SLIT3: variants seen among roughly 807,000 people sequenced by gnomAD.
SLIT3 encodes the protein slit guidance ligand 3.
Under a neutral mutation model 184.0 loss-of-function variants are expected in SLIT3, and 68 were observed. That is an observed-to-expected ratio of 0.37 (90% CI 0.30 to 0.45). The LOEUF (loss-of-function observed/expected upper bound fraction) is 0.45. Ranked by LOEUF, SLIT3 falls within the 20% of genes least tolerant of loss-of-function variation. The probability of loss-of-function intolerance (pLI) is 1.00; values close to 1 mark genes in which losing one functional copy is unlikely to be tolerated. For missense variants in SLIT3, 1,707 were observed against 2,026.0 expected (o/e 0.84, Z 3.02); for synonymous variants, 831 against 828.6 (o/e 1.00, Z -0.05).
rs1276597859 is a variant in SLIT3, at chr5:168,735,665, C to CACAT, written c.2271-11182_2271-11181insATGT. 3.2e-3 allele frequency among the ~76,000 whole-genome samples: 221 copies of CACAT among 70,044 alleles called. 2 individuals carry two copies. Among genetic ancestry groups the CACAT allele is most frequent in the African/African-American group, 0.016 (211 of 13,038 alleles). 46.0% of individuals were successfully genotyped at this position (70,044 alleles called of 152,430 possible). A position where few individuals can be genotyped will look rare whatever the true frequency, so the allele number is the denominator to read the frequency against. On this transcript the variant is annotated intron_variant, in intron 20 of 35. Coordinates refer to ENST00000519560, the MANE Select transcript of SLIT3 (RefSeq NM_003062.4). ...ACATACATATAGACAGATAGATACA[C>CACAT]ACACACACACACACACACACACACA... is the stretch of plus-strand genomic sequence containing the variant.
Position 169,169,040 on chromosome 5 carries a change from G to T in SLIT3, c.413+24439C>A, listed in dbSNP as rs78207355. On this transcript the variant is annotated intron_variant, in intron 4 of 35. Coordinates refer to ENST00000519560, the MANE Select transcript of SLIT3 (RefSeq NM_003062.4). ...CCAGAGCAGGGTCAGCCCAGAGTGG[G>T]GGGGGGATCACCTTTTTCTAACTCG... Among the ~76,000 whole-genome samples the T allele has an allele frequency of 3.5e-3, 438 of 124,954 alleles. 2 individuals are homozygous for T. The highest frequency in any genetic ancestry group is 0.011 in the African/African-American group (408 of 38,262). 82.0% of individuals were successfully genotyped at this position (124,954 alleles called of 152,430 possible).
chr5:168,764,016 G>C (rs898950800), intron 14 of SLIT3, among the ~76,000 whole-genome samples: 1 of 152,348 alleles, frequency 6.6e-6, no homozygotes, highest in African/African-American at 2.4e-5. Flanking sequence ...AGGGAGCACA[G>C]GCTCGTTCAG....
At chr5:169,081,666 C>G (rs1391892660) in intron 4 of SLIT3, among the ~76,000 whole-genome samples, 1 of 152,168 alleles carries the variant, frequency 6.6e-6, no homozygotes, top group Non-Finnish European at 1.5e-5. Flanking sequence ...GCACATGGTC[C>G]TCTTAAGCAG....
Position 169,123,912 on chromosome 5 carries a change from AAGTT to A in SLIT3, c.413+69563_413+69566del, listed in dbSNP as rs537659833. 1.6e-4 allele frequency among the ~76,000 whole-genome samples: 24 copies of A among 152,276 alleles called. No individual in the cohort carries two copies. In the South Asian group the frequency reaches 5.0e-3, roughly 32 times the overall value. On this transcript the variant is annotated intron_variant, in intron 4 of 35. Coordinates refer to ENST00000519560, the MANE Select transcript of SLIT3 (RefSeq NM_003062.4). ...TGCTTAATATGGCAGTGTTATGAGAAAGTTAGCCAAAGTTTTAGCTGAAATACAC... is the reference window on the plus strand; with the variant it reads ...TGCTTAATATGGCAGTGTTATGAGAAAGCCAAAGTTTTAGCTGAAATACAC...
chr5:168,763,079 A>T (rs1330090337), intron 14 of SLIT3, among the ~76,000 whole-genome samples: 1 of 152,052 alleles, frequency 6.6e-6, no homozygotes, highest in Non-Finnish European at 1.5e-5. Context: ...CACAACTCCT[A>T]TCATTCATGG....
chr5:169,077,613 G>T (rs1758797192), intron 4 of SLIT3, among the ~76,000 whole-genome samples: 1 of 152,156 alleles, frequency 6.6e-6, no homozygotes, highest in African/African-American at 2.4e-5. Context: ...TATGTTATCA[G>T]TAAGGCTTCT....
In SLIT3 at chr5:168,666,647, C is replaced by T. The variant is rs138032051; in HGVS notation, c.4379G>A (p.Arg1460His). 708 of 1,614,168 alleles carry T rather than the reference C, an allele frequency of 4.4e-4. 5 individuals carry two copies. In the Admixed American group the frequency reaches 7.6e-3, roughly 17 times the overall value. The stretch of plus-strand genomic sequence containing the variant: ...GGCACATGATGCATAACCTTTCTGG[C>T]GGCGGATCACCTCTCGGACTACTTG... ...LGQVVREVIR[R>H]QKGYASCATA... The change falls in exon 36 of 36, where the codon CGC becomes CAC. Residue 1460 changes from arginine to histidine, a missense_variant. Coordinates refer to ENST00000519560, the MANE Select transcript of SLIT3 (RefSeq NM_003062.4).
intron 3 of SLIT3, among the ~76,000 whole-genome samples, chr5:169,226,515 T>A (rs528569576): frequency 6.6e-6 from 1 of 152,070 alleles, no homozygotes; most frequent in Non-Finnish European, 1.5e-5. Context: ...TAAAAACAAA[T>A]TGGGTGCCTT....
chr5:169,113,417 GAAT>G (rs1381476670), intron 4 of SLIT3, among the ~76,000 whole-genome samples: 4 of 152,150 alleles, frequency 2.6e-5, no homozygotes, highest in African/African-American at 9.7e-5. Flanking sequence ...TTCTATGACT[GAAT>G]AATATCTCAT....
At chr5:169,171,892 C>A (rs1233189162) in intron 4 of SLIT3, among the ~76,000 whole-genome samples, 1 of 152,068 alleles carries the variant, frequency 6.6e-6, no homozygotes, top group African/African-American at 2.4e-5. Flanking sequence ...TTCTCTGCCC[C>A]CTTGGGGCTA....
At chr5:168,918,216 T>A (rs989587188) in intron 4 of SLIT3, among the ~76,000 whole-genome samples, 1 of 152,202 alleles carries the variant, frequency 6.6e-6, no homozygotes, top group Admixed American at 6.5e-5. Context: ...GATTTTCAGA[T>A]GAAATCAGGT....
chr5:169,032,649 G>T (rs1297387987), intron 4 of SLIT3, among the ~76,000 whole-genome samples: 1 of 147,800 alleles, frequency 6.8e-6, no homozygotes, highest in Admixed American at 6.8e-5. Context: ...TCATGGAGTC[G>T]ATCTGCTAGT....
At chr5:169,131,289 G>A (rs933348754) in intron 4 of SLIT3, among the ~76,000 whole-genome samples, 3 of 152,146 alleles carry the variant, frequency 2.0e-5, no homozygotes, top group East Asian at 3.8e-4. Context: ...GTGGTTCTCC[G>A]AGCGCAGTAC....
chr5:169,088,432 A>C (rs1759408761), intron 4 of SLIT3, among the ~76,000 whole-genome samples: 1 of 151,108 alleles, frequency 6.6e-6, no homozygotes, highest in Non-Finnish European at 1.5e-5. Context: ...CAACAGCGAC[A>C]ATAACAATGA....
intron 1 of SLIT3, among the ~76,000 whole-genome samples, chr5:169,276,855 T>C (rs1766823875): frequency 6.6e-6 from 1 of 152,264 alleles, no homozygotes; most frequent in Non-Finnish European, 1.5e-5. Flanking sequence ...TCCTCCTTTA[T>C]AAAGCAGGCT....
At chr5:168,781,988 C>T (rs1755989128) in intron 12 of SLIT3, among the ~76,000 whole-genome samples, 1 of 152,164 alleles carries the variant, frequency 6.6e-6, no homozygotes, top group African/African-American at 2.4e-5. Flanking sequence ...AATTGCTTAG[C>T]AGTTTCGGGT....
At chr5:168,667,050 A>C (rs895356014) in intron 35 of SLIT3, among the ~76,000 whole-genome samples, 2 of 152,190 alleles carry the variant, frequency 1.3e-5, no homozygotes, top group African/African-American at 4.8e-5. Flanking sequence ...ATGTGCCTAA[A>C]AATTAATTAA....
intron 5 of SLIT3, among the ~76,000 whole-genome samples, chr5:168,851,109 G>T (rs1294252584): frequency 6.6e-6 from 1 of 152,082 alleles, no homozygotes; most frequent in Non-Finnish European, 1.5e-5. Context: ...GGATCATGAG[G>T]TCAGAAGATC....
Position 168,753,917 on chromosome 5 carries a change from C to G in SLIT3, c.1776G>C (p.Gln592His), listed in dbSNP as rs1754805316. 6.2e-7 allele frequency: 1 copy of G among 1,612,170 alleles called. No individual in the cohort carries two copies. The highest frequency in any genetic ancestry group is 1.3e-5 in the African/African-American group (1 of 74,944). The change falls in exon 17 of 36, where the codon CAG becomes CAC. Residue 592 changes from glutamine to histidine, a missense_variant. This residue lies in a region of SLIT3 where 1,307 missense variants were observed against 1,511.6 expected (regional missense o/e 0.86). Coordinates refer to ENST00000519560, the MANE Select transcript of SLIT3 (RefSeq NM_003062.4). ...SVQELMLTGN[Q>H]LETVHGRVFR... Reference sequence around the variant, plus strand: ...ACACGCGCCCGTGCACGGTCTCCAGCTGGTTCCCTGTCAGCATCAGCTCCT... The same window carrying G: ...ACACGCGCCCGTGCACGGTCTCCAGGTGGTTCCCTGTCAGCATCAGCTCCT...
Sources: allele counts gnomAD v4.1 joint callset (sites outside exome capture counted in the v4.1 genomes callset), GRCh38; gene constraint gnomAD v4.1.1; regional missense constraint gnomAD v4.1.1; transcripts MANE v1.5; gene names NCBI Gene and HGNC (gene_info 2026-07-23, HGNC 2026-07-21).